MSRB3: variants seen among roughly 807,000 people sequenced by gnomAD.
MSRB3 encodes methionine sulfoxide reductase B3, also known as methionine-R-sulfoxide reductase B3.
A neutral mutation model predicts 21.0 loss-of-function variants in MSRB3; 13 were observed. That is an observed-to-expected ratio of 0.62 (90% confidence interval 0.40 to 0.98). The LOEUF (loss-of-function observed/expected upper bound fraction) is 0.98, where lower values mean the gene tolerates loss of function less well. Among genes scored for constraint, MSRB3 ranks in the 50% least tolerant of loss-of-function variants. The pLI is 0.00. For missense variants in MSRB3, 199 were observed against 230.3 expected, an observed-to-expected ratio of 0.86 and a Z score of 0.88; for synonymous variants, 87 against 88.6, an observed-to-expected ratio of 0.98 and a Z score of 0.10.
At chr12:65,394,729 C>T (rs1164086837) in intron 5 of MSRB3, among the ~76,000 whole-genome samples, 2 of 152,170 alleles carry the variant, frequency 1.3e-5, no homozygotes, top group Admixed American at 1.3e-4. Flanking sequence ...ACATTTAAAA[C>T]ATAACCAAGT....
chr12:65,346,767 G>T (rs891823048), intron 4 of MSRB3, among the ~76,000 whole-genome samples: 1 of 152,078 alleles, frequency 6.6e-6, no homozygotes, highest in Non-Finnish European at 1.5e-5. Flanking sequence ...TTTGTATAAG[G>T]TGTAAGGAAG....
In MSRB3 at chr12:65,436,473, A is replaced by G. The variant is rs184456133; in HGVS notation, c.293-17255A>G. 6.1e-4 allele frequency among the ~76,000 whole-genome samples: 92 copies of G among 151,910 alleles called. 1 individual carries two copies. The South Asian group carries it at 6.8e-3, about 11-fold the overall frequency. On this transcript the variant is annotated intron_variant, in intron 5 of 6. Transcript: ENST00000308259. ...TCATTTTTCCATTGTAATCCCATAT[A>G]TTTGTTCTCATGCATTTAGAAACAT...
intron 5 of MSRB3, among the ~76,000 whole-genome samples, chr12:65,403,789 G>C (rs780029454): frequency 1.9e-4 from 29 of 152,282 alleles, no homozygotes; most frequent in Admixed American, 5.2e-4. Flanking sequence ...TGGAAAACAC[G>C]CAGTATCTGT....
intron 5 of MSRB3, among the ~76,000 whole-genome samples, chr12:65,381,529 T>G (rs943671509): frequency 6.6e-6 from 1 of 152,158 alleles, no homozygotes; most frequent in East Asian, 1.9e-4. Flanking sequence ...TTAAGGAACA[T>G]GTACAAATGT....
intron 4 of MSRB3, among the ~76,000 whole-genome samples, chr12:65,366,629 A>C (rs1013041745): frequency 6.6e-6 from 1 of 152,150 alleles, no homozygotes; most frequent in Non-Finnish European, 1.5e-5. Flanking sequence ...CTTGATGACT[A>C]ATTAGATATT....
chr12:65,317,121 CT>C (rs1269022808), intron 2 of MSRB3, among the ~76,000 whole-genome samples: 2 of 152,098 alleles, frequency 1.3e-5, no homozygotes, highest in Non-Finnish European at 2.9e-5. Context: ...TGAGTAGTAA[CT>C]TTTTTGGGCC....
rs920120365 is a variant in MSRB3, at chr12:65,279,086, C to T, written c.-52+221C>T. 5 of 1,390,864 alleles carry T rather than the reference C, an allele frequency of 3.6e-6. No homozygotes were observed. The South Asian group carries it at 4.8e-5, about 13-fold the overall frequency. 86.2% of individuals were successfully genotyped at this position (1,390,864 alleles called of 1,614,324 possible). On this transcript the variant is annotated intron_variant, in intron 1 of 6. Transcript: ENST00000308259. The stretch of plus-strand genomic sequence containing the variant: ...AACGGAAGGAGGTCAGGGCTGGTTT[C>T]CCCCCACCCGCCGAAGGGAGGCGTC...
At chr12:65,291,879 G>A (rs966742862) in intron 1 of MSRB3, among the ~76,000 whole-genome samples, 1 of 152,152 alleles carries the variant, frequency 6.6e-6, no homozygotes, top group Non-Finnish European at 1.5e-5. Flanking sequence ...TTTTAGGTAG[G>A]CAGTGGCAAG....
chr12:65,341,941 CTA>C (rs1236733443), intron 4 of MSRB3, among the ~76,000 whole-genome samples: 1 of 151,744 alleles, frequency 6.6e-6, no homozygotes. Flanking sequence ...TAAATGAATA[CTA>C]TGTTTCATTA....
chr12:65,304,247 G>A (rs543688759), intron 1 of MSRB3, among the ~76,000 whole-genome samples: 4 of 151,850 alleles, frequency 2.6e-5, no homozygotes, highest in African/African-American at 7.2e-5. Context: ...TGGAAGGAGC[G>A]GCTATATTAT....
At chr12:65,316,877 G>A (rs1482629114) in intron 2 of MSRB3, among the ~76,000 whole-genome samples, 1 of 152,130 alleles carries the variant, frequency 6.6e-6, no homozygotes, top group South Asian at 2.1e-4. Flanking sequence ...AGCAATGACA[G>A]TTCTTCTGAA....
intron 1 of MSRB3, among the ~76,000 whole-genome samples, chr12:65,300,584 G>T (rs1447273042): frequency 1.3e-5 from 2 of 152,110 alleles, no homozygotes; most frequent in African/African-American, 4.8e-5. Context: ...TTCAAATTCT[G>T]GCTCCATAAT....
At chr12:65,315,731 T>G (rs1293110768) in intron 2 of MSRB3, among the ~76,000 whole-genome samples, 1 of 151,738 alleles carries the variant, frequency 6.6e-6, no homozygotes, top group Non-Finnish European at 1.5e-5. Flanking sequence ...ATTTAGATGG[T>G]TAATAAGAGA....
chr12:65,345,470 G>A (rs963340072), intron 4 of MSRB3, among the ~76,000 whole-genome samples: 3 of 152,208 alleles, frequency 2.0e-5, no homozygotes, highest in Middle Eastern at 3.4e-3. Flanking sequence ...TACATATGTA[G>A]CACTTTCAGA....
At chr12:65,371,288 A>T (rs1251304754) in intron 5 of MSRB3, among the ~76,000 whole-genome samples, 1 of 141,132 alleles carries the variant, frequency 7.1e-6, no homozygotes, top group Non-Finnish European at 1.5e-5. Context: ...AAATTCTGCC[A>T]CTGCACTCCA....
intron 5 of MSRB3, among the ~76,000 whole-genome samples, chr12:65,385,677 C>T (rs1351617015): frequency 1.3e-5 from 2 of 151,800 alleles, no homozygotes; most frequent in Non-Finnish European, 2.9e-5. Flanking sequence ...ACTTTTATCC[C>T]CAGCACTAAA....
chr12:65,362,280 GAT>G (rs1428401644), intron 4 of MSRB3, among the ~76,000 whole-genome samples: 2 of 152,150 alleles, frequency 1.3e-5, no homozygotes, highest in African/African-American at 4.8e-5. Context: ...AAGAGGGAAA[GAT>G]AGAAAAAGGG....
At chr12:65,299,920 C>T (rs1361794758) in intron 1 of MSRB3, among the ~76,000 whole-genome samples, 4 of 152,156 alleles carry the variant, frequency 2.6e-5, no homozygotes, top group African/African-American at 9.7e-5. Flanking sequence ...ATGTGCACAT[C>T]GATTACTTCC....
At chr12:65,402,658 G>C (rs1208703782) in intron 5 of MSRB3, among the ~76,000 whole-genome samples, 2 of 152,196 alleles carry the variant, frequency 1.3e-5, no homozygotes, top group East Asian at 3.9e-4. Flanking sequence ...TTTCTTGCTG[G>C]CAAAAAGTTG....
Sources: allele counts gnomAD v4.1 joint callset (sites outside exome capture counted in the v4.1 genomes callset), GRCh38; gene constraint gnomAD v4.1.1; transcripts MANE v1.5; gene names NCBI Gene and HGNC (gene_info 2026-07-23, HGNC 2026-07-21).